SMARCC1: variants seen among roughly 807,000 people sequenced by gnomAD.
The protein encoded by SMARCC1 is SWI/SNF related BAF chromatin remodeling complex subunit C1.
In SMARCC1, 43 loss-of-function variants were observed where a neutral mutation model predicts 147.4. The ratio of observed to expected loss-of-function variants is 0.29; its 90% CI spans 0.23 to 0.38. The LOEUF is 0.38. Ranked by LOEUF, SMARCC1 falls within the 10% of genes least tolerant of loss-of-function variation. The pLI is 1.00. For missense variants in SMARCC1, 1,119 were observed against 1,381.1 expected (o/e 0.81, Z 3.01); for synonymous variants, 495 against 484.4 (o/e 1.02, Z -0.29).
chr3:47,676,170 T>C (rs1450981502), intron 17 of SMARCC1, among the ~76,000 whole-genome samples: 1 of 152,186 alleles, frequency 6.6e-6, no homozygotes, highest in African/African-American at 2.4e-5. Flanking sequence ...TGAATCCAAC[T>C]TAATGCTATA....
In SMARCC1 at chr3:47,738,118, A is replaced by T. The variant is rs2034466527; in HGVS notation, c.402-8T>A. On this transcript the variant is annotated splice_region_variant and splice_polypyrimidine_tract_variant and intron_variant, in intron 3 of 27. Transcript: ENST00000254480. ...TGTAGGTCAAACCTCCGCCTAAAAA[A>T]AAAGAAAAACCCTAGTTAATTTGTC... is the stretch of plus-strand genomic sequence containing the variant. The T allele has an allele frequency of 7.1e-6, 11 of 1,554,174 alleles. No individual in the cohort carries two copies. The highest frequency in any genetic ancestry group is 9.5e-6 in the Non-Finnish European group (11 of 1,153,722).
intron 11 of SMARCC1, among the ~76,000 whole-genome samples, chr3:47,699,165 C>T (rs1299582963): frequency 6.6e-6 from 1 of 151,884 alleles, no homozygotes; most frequent in Non-Finnish European, 1.5e-5. Context: ...TTAAGAGCAC[C>T]TGTCCTCCAA....
chr3:47,739,092 CTGTTT>C (rs1196457952), intron 3 of SMARCC1, among the ~76,000 whole-genome samples: 2 of 152,098 alleles, frequency 1.3e-5, no homozygotes, highest in Non-Finnish European at 2.9e-5. Context: ...TGTTTTTGCT[CTGTTT>C]TAATTCTTTT....
At position 47,680,443 on chromosome 3, in the gene SMARCC1, G is replaced by A. The variant is rs1178281417; in HGVS notation, c.1451C>T (p.Pro484Leu). 6.2e-7 allele frequency: 1 copy of A among 1,609,012 alleles called. No individual in the cohort carries two copies. Among genetic ancestry groups the A allele is most frequent in the Non-Finnish European group, 8.5e-7 (1 of 1,176,264 alleles). Residue 484 changes from proline (P) to leucine (L), a missense_variant, in exon 15 of 28, where the codon CCA (proline) becomes CTA (leucine). By Grantham distance (98) the Pro-to-Leu change is moderately conservative. This residue lies in a region of SMARCC1 where 542 missense variants were observed against 611.8 expected (regional missense o/e 0.89). Coordinates refer to ENST00000254480, the MANE Select transcript of SMARCC1 (RefSeq NM_003074.4). ...TCTAAAACACTGGCCTCACATTTCT[G>A]GAGTCTTGGATTTGTTTTTTCCATT... ...FFNGKNKSKT[P>L]EIYLAYRNFM...
intron 14 of SMARCC1, among the ~76,000 whole-genome samples, chr3:47,681,618 C>T (rs1235986701): frequency 2.0e-5 from 3 of 152,044 alleles, no homozygotes; most frequent in African/African-American, 4.8e-5. Context: ...AGTGGTTGCA[C>T]GGCAAAGAGC....
chr3:47,708,011 T>C (rs184556445), intron 9 of SMARCC1, among the ~76,000 whole-genome samples: 1 of 150,026 alleles, frequency 6.7e-6, no homozygotes, highest in African/African-American at 2.5e-5. Context: ...GAGTATGTAA[T>C]AGCAGTTTGA....
chr3:47,671,188 A>AAAAAAAAAAAAAAAAAAAAAAAAC (rs1282437917), intron 18 of SMARCC1, among the ~76,000 whole-genome samples: 1 of 146,602 alleles, frequency 6.8e-6, no homozygotes, highest in Non-Finnish European at 1.5e-5. Flanking sequence ...AAAAAAAAAA[A>AAAAAAAAAAAAAAAAAAAAAAAAC]AAAAAAAAAA....
chr3:47,717,225 C>T (rs964955778), intron 7 of SMARCC1, among the ~76,000 whole-genome samples: 1 of 152,094 alleles, frequency 6.6e-6, no homozygotes, highest in African/African-American at 2.4e-5. Flanking sequence ...TAGTCTTGTT[C>T]CTCCCCAATT....
At chr3:47,678,670 T>C (rs1266311682) in intron 15 of SMARCC1, among the ~76,000 whole-genome samples, 3 of 152,232 alleles carry the variant, frequency 2.0e-5, no homozygotes, top group African/African-American at 7.2e-5. Flanking sequence ...TACAGGGCAC[T>C]GTTATAAGCA....
chr3:47,592,826 T>TG (rs994831668), intron 26 of SMARCC1, among the ~76,000 whole-genome samples: 64 of 150,260 alleles, frequency 4.3e-4, no homozygotes, highest in African/African-American at 1.5e-3. Context: ...AGTCTTGTTT[T>TG]TTTTTTTTTT....
chr3:47,767,452 C>T (rs538734495), intron 2 of SMARCC1, among the ~76,000 whole-genome samples: 113 of 135,632 alleles, frequency 8.3e-4, no homozygotes, highest in African/African-American at 3.0e-3. Flanking sequence ...GTTGGTCAGG[C>T]TGGTCTCGAA....
intron 21 of SMARCC1, among the ~76,000 whole-genome samples, chr3:47,650,709 G>A (rs771791739): frequency 1.3e-5 from 2 of 151,896 alleles, no homozygotes; most frequent in African/African-American, 2.4e-5. Flanking sequence ...CCAGATACTC[G>A]GAGGCAGAAG....
intron 5 of SMARCC1, 100 bp downstream of exon 5, chr3:47,735,934 A>G (rs1559658255): frequency 1.8e-6 from 1 of 567,180 alleles, no homozygotes; most frequent in Non-Finnish European, 2.9e-6. Context: ...AATATATCAA[A>G]AAATCCAAAA....
intron 1 of SMARCC1, among the ~76,000 whole-genome samples, chr3:47,781,126 T>C (rs1290827113): frequency 6.6e-6 from 1 of 152,192 alleles, no homozygotes; most frequent in Non-Finnish European, 1.5e-5. Context: ...TCATCCATCC[T>C]AGAATTCATA....
At chr3:47,680,826 C>A (rs1476093201) in intron 14 of SMARCC1, among the ~76,000 whole-genome samples, 1 of 151,952 alleles carries the variant, frequency 6.6e-6, no homozygotes, top group African/African-American at 2.4e-5. Context: ...GGATTACAGG[C>A]GTGAGCCACC....
At chr3:47,608,616 C>A (rs549578410) in intron 26 of SMARCC1, among the ~76,000 whole-genome samples, 1 of 151,822 alleles carries the variant, frequency 6.6e-6, no homozygotes, top group Non-Finnish European at 1.5e-5. Flanking sequence ...AAGGTCGAGG[C>A]GGAAGGATTG....
At chr3:47,671,056 A>G (rs932510725) in intron 18 of SMARCC1, among the ~76,000 whole-genome samples, 1 of 151,456 alleles carries the variant, frequency 6.6e-6, no homozygotes, top group Non-Finnish European at 1.5e-5. Context: ...GTGGTGGTTC[A>G]TGCCTATAGT....
Position 47,750,359 on chromosome 3 carries a change from CGA to C in SMARCC1, c.316-4368_316-4367del, listed in dbSNP as rs1282780676. On this transcript the variant is annotated intron_variant, in intron 2 of 27. Transcript: ENST00000254480. ...CTCAGGCAGGAGAATCACTTGAACCCGAGAGGCAGAGGATGCAGTGAGCCGGG... is the reference window on the plus strand; with the variant it reads ...CTCAGGCAGGAGAATCACTTGAACCCGAGGCAGAGGATGCAGTGAGCCGGG... Among the ~76,000 whole-genome samples, 3 of 152,046 alleles carry C rather than the reference CGA, an allele frequency of 2.0e-5. No individual in the cohort carries two copies. In the East Asian group the frequency reaches 5.8e-4, roughly 29 times the overall value.
At chr3:47,693,583 A>C (rs2033814985) in intron 11 of SMARCC1, among the ~76,000 whole-genome samples, 2 of 152,190 alleles carry the variant, frequency 1.3e-5, no homozygotes, top group Admixed American at 1.3e-4. Flanking sequence ...AGTTTTTTTT[A>C]TTAAAGTTTA....
Sources: gnomAD v4.1 joint callset for allele counts (sites outside exome capture counted in the v4.1 genomes callset) on GRCh38, gnomAD v4.1.1 for gene constraint, gnomAD v4.1.1 regional missense constraint, MANE v1.5 for transcripts, NCBI Gene and HGNC (gene_info 2026-07-23, HGNC 2026-07-21) for gene names.